The following RFX2 variants were observed in gnomAD, a reference collection of about 807,000 sequenced individuals.
RFX2 encodes the protein DNA-binding protein RFX2.
A neutral mutation model predicts 87.8 loss-of-function variants in RFX2; 20 were observed. The observed-to-expected ratio is 0.23, with a 90% CI of 0.16 to 0.33. RFX2 has a LOEUF of 0.33. Ranked by LOEUF, RFX2 falls within the 10% of genes least tolerant of loss-of-function variation. The probability of loss-of-function intolerance (pLI) is 1.00; values close to 1 mark genes in which losing one functional copy is unlikely to be tolerated. For synonymous variants in RFX2, 397 were observed against 431.3 expected (o/e 0.92, Z 0.98); for missense variants, 767 against 1,012.3 (o/e 0.76, Z 3.29).
In RFX2 at chr19:6,006,324, A is replaced by G. The variant is rs77812514; in HGVS notation, c.1402+688T>C. 6.9e-3 allele frequency among the ~76,000 whole-genome samples: 1,039 copies of G among 151,538 alleles called. 18 individuals carry two copies. Among genetic ancestry groups the G allele is most frequent in the African/African-American group, 0.024 (981 of 41,282 alleles). ...GCAGGCATGCAACACCACACCAGCT[A>G]ATTTTTGTATTTTTTTTAGAAATGG... is the stretch of plus-strand genomic sequence containing the variant. On this transcript the variant is annotated intron_variant, in intron 12 of 17. Coordinates refer to ENST00000303657, the MANE Select transcript of RFX2 (RefSeq NM_000635.4).
chr19:6,000,527 G>A (rs960239791), intron 15 of RFX2, among the ~76,000 whole-genome samples: 6 of 152,206 alleles, frequency 3.9e-5, no homozygotes, highest in African/African-American at 1.4e-4. Context: ...GGACCTGGTG[G>A]GAGGTAATTG....
chr19:6,083,106 C>T lies in RFX2; in HGVS notation c.-9+27287G>A, dbSNP rs1370753768. Among the ~76,000 whole-genome samples, 2 of 152,130 alleles carry T rather than the reference C, an allele frequency of 1.3e-5. No homozygotes were observed. The highest frequency in any genetic ancestry group is 2.9e-5 in the Non-Finnish European group (2 of 68,010). On this transcript the variant is annotated intron_variant, in intron 1 of 17. Coordinates refer to ENST00000303657, the MANE Select transcript of RFX2 (RefSeq NM_000635.4). The surrounding 1 kb of genome is among the most constrained non-coding windows in gnomAD (Gnocchi z 4.6). ...ATTGTTTGTAGAGACGGGGTTTCAC[C>T]CTGTTGTCCAGGCTGGTCTTGAACT...
At chr19:6,030,014 C>G (rs1175439282) in intron 5 of RFX2, among the ~76,000 whole-genome samples, 2 of 152,184 alleles carry the variant, frequency 1.3e-5, no homozygotes, top group African/African-American at 4.8e-5. Context: ...AGCTTACCAA[C>G]AAACACACAA....
chr19:6,041,288 C>T (rs2087102226), intron 4 of RFX2, among the ~76,000 whole-genome samples: 1 of 152,154 alleles, frequency 6.6e-6, no homozygotes, highest in East Asian at 1.9e-4. Flanking sequence ...AATCACAACC[C>T]TGAAGTCACA....
At chr19:6,018,659 A>G (rs533276889) in intron 6 of RFX2, among the ~76,000 whole-genome samples, 11 of 152,312 alleles carry the variant, frequency 7.2e-5, no homozygotes, top group African/African-American at 2.4e-4. Flanking sequence ...CTGAGGACAA[A>G]ACCTCCAAGG....
Position 6,023,576 on chromosome 19 carries a change from G to T in RFX2, c.597+2587C>A, listed in dbSNP as rs914187204. ...GAGTCACCAAGCCCGGAATCTTACT[G>T]ATCACAGCTCATGACAGAAGGAAAC... is the stretch of plus-strand genomic sequence containing the variant. On this transcript the variant is annotated intron_variant, in intron 6 of 17. Coordinates refer to ENST00000303657, the MANE Select transcript of RFX2 (RefSeq NM_000635.4). The surrounding 1 kb of genome is among the most constrained non-coding windows in gnomAD (Gnocchi z 4.9). 1.3e-5 allele frequency among the ~76,000 whole-genome samples: 2 copies of T among 152,134 alleles called. No homozygotes were observed. Among genetic ancestry groups the T allele is most frequent in the Non-Finnish European group, 2.9e-5 (2 of 68,032 alleles).
intron 7 of RFX2, among the ~76,000 whole-genome samples, chr19:6,014,394 G>A (rs2086697666): frequency 6.6e-6 from 1 of 152,090 alleles, no homozygotes; most frequent in Non-Finnish European, 1.5e-5. Flanking sequence ...GTGACACCAT[G>A]CCTGGCTAAT....
chr19:6,008,872 G>T (rs942298330), intron 9 of RFX2, among the ~76,000 whole-genome samples: 3 of 150,686 alleles, frequency 2.0e-5, no homozygotes, highest in African/African-American at 7.3e-5. Context: ...TAGAGATGGG[G>T]TTTCGCCATG....
At chr19:5,995,259 A>G (rs11880463) in intron 17 of RFX2, among the ~76,000 whole-genome samples, 38,583 of 151,980 alleles carry the variant, frequency 0.25, 5,692 homozygotes, top group Middle Eastern at 0.38. Flanking sequence ...CCCGCATGGG[A>G]CAGAGACGGG....
At position 6,002,513 on chromosome 19, in the gene RFX2, C is replaced by T. The variant is rs1453313637; in HGVS notation, c.1650+208G>A. 6.6e-6 allele frequency among the ~76,000 whole-genome samples: 1 copy of T among 152,204 alleles called. No homozygotes were observed. Among genetic ancestry groups the T allele is most frequent in the Non-Finnish European group, 1.5e-5 (1 of 68,034 alleles). On this transcript the variant is annotated intron_variant, in intron 14 of 17. Transcript: ENST00000303657. This position sits in a 1 kb window ranked among gnomAD's most constrained non-coding sequence, Gnocchi z 6.7. ...TGAGCAGAAGTGTTGGCCACAGCGC[C>T]TGGACGCCAGAGGGCCCTGAGAGAT...
intron 1 of RFX2, among the ~76,000 whole-genome samples, chr19:6,106,654 C>A (rs2088222139): frequency 6.6e-6 from 1 of 152,104 alleles, no homozygotes; most frequent in African/African-American, 2.4e-5. Flanking sequence ...TCCTCCCCTG[C>A]AGTTTAGTGA....
At chr19:6,067,570 A>G (rs961543769) in intron 1 of RFX2, among the ~76,000 whole-genome samples, 2 of 152,210 alleles carry the variant, frequency 1.3e-5, no homozygotes, top group African/African-American at 2.4e-5. Flanking sequence ...GAAGGGGGAA[A>G]AGAAAAGGGC....
intron 1 of RFX2, chr19:6,073,226 C>A: frequency 1.7e-6 from 1 of 584,184 alleles, no homozygotes; most frequent in Non-Finnish European, 3.1e-6. Context: ...GTGATCCACC[C>A]TCCTCAGCCT....
At position 6,074,395 on chromosome 19, in the gene RFX2, G is replaced by A. The variant is rs2087656115; in HGVS notation, c.-8-26891C>T. 6.6e-6 allele frequency among the ~76,000 whole-genome samples: 1 copy of A among 152,148 alleles called. No homozygotes were observed. Among genetic ancestry groups the A allele is most frequent in the Non-Finnish European group, 1.5e-5 (1 of 68,024 alleles). ...TTCCTCTTAGCACCCGGCCTGTGCC[G>A]GTGCATCTCCTCACCCCACACAGTG... On this transcript the variant is annotated intron_variant, in intron 1 of 17. Transcript: ENST00000303657. The surrounding 1 kb of genome is among the most constrained non-coding windows in gnomAD (Gnocchi z 5.2).
At chr19:6,082,281 A>C in intron 1 of RFX2, among the ~76,000 whole-genome samples, 1 of 138,684 alleles carries the variant, frequency 7.2e-6, no homozygotes. Flanking sequence ...GCAACAGAGT[A>C]AGACCCTGTC....
Position 6,001,517 on chromosome 19 carries a change from C to G in RFX2, c.1859+298G>C, listed in dbSNP as rs779272046. ...AAGCCATCCTCCTGCCTTGGCCTCC[C>G]AAAGTGGTGGGATTATAAGTATGAG... On this transcript the variant is annotated intron_variant, in intron 15 of 17. Transcript: ENST00000303657. The surrounding 1 kb of genome is among the most constrained non-coding windows in gnomAD (Gnocchi z 5.6). Among the ~76,000 whole-genome samples, 1 of 152,194 alleles carries G rather than the reference C, an allele frequency of 6.6e-6. No homozygotes were observed. Among genetic ancestry groups the G allele is most frequent in the Non-Finnish European group, 1.5e-5 (1 of 68,042 alleles).
At chr19:6,070,531 A>G (rs887052568) in intron 1 of RFX2, among the ~76,000 whole-genome samples, 3 of 152,026 alleles carry the variant, frequency 2.0e-5, no homozygotes, top group Non-Finnish European at 4.4e-5. Flanking sequence ...GGTATAAAGT[A>G]TGATGACCTA....
chr19:6,099,676 C>T (rs1296624132), intron 1 of RFX2, among the ~76,000 whole-genome samples: 1 of 152,164 alleles, frequency 6.6e-6, no homozygotes, highest in East Asian at 1.9e-4. Flanking sequence ...TGTCTCCATC[C>T]TCCAGAACCT....
chr19:6,104,160 A>G (rs1360788270), intron 1 of RFX2, among the ~76,000 whole-genome samples: 1 of 152,092 alleles, frequency 6.6e-6, no homozygotes, highest in African/African-American at 2.4e-5. Context: ...ATGACCTGCA[A>G]CTTTTCCTTT....
Sources: gnomAD v4.1 joint callset for allele counts (sites outside exome capture counted in the v4.1 genomes callset) on GRCh38, gnomAD v4.1.1 for gene constraint, Gnocchi (gnomAD v3.1) non-coding constraint, MANE v1.5 for transcripts, NCBI Gene and HGNC (gene_info 2026-07-23, HGNC 2026-07-21) for gene names.